Variants in RPP40 observed in about 807,000 individuals in gnomAD.
RPP40 encodes ribonuclease P/MRP subunit p40.
A neutral mutation model predicts 42.5 loss-of-function variants in RPP40; 30 were observed. The observed-to-expected ratio is 0.71, with a 90% CI of 0.53 to 0.96. The LOEUF (loss-of-function observed/expected upper bound fraction) is 0.96, where lower values mean the gene tolerates loss of function less well. Among genes scored for constraint, RPP40 ranks in the 40% least tolerant of loss-of-function variants. The pLI, the probability that RPP40 is intolerant of heterozygous loss-of-function variation, is 0.00. For synonymous variants in RPP40, 173 were observed against 164.0 expected, an observed-to-expected ratio of 1.05 and a Z score of -0.42; for missense variants, 426 against 433.5, an observed-to-expected ratio of 0.98 and a Z score of 0.15.
In RPP40 at chr6:4,995,937, TAA is replaced by T. The variant is rs1292081896; in HGVS notation, c.893+12_893+13del. The stretch of plus-strand genomic sequence containing the variant: ...GAGCACTGATGAGCGATATAAAAGG[TAA>T]AGAGTTCTCACCAGAGATGTTCCAA... On this transcript the variant is annotated intron_variant, in intron 7 of 7. Coordinates refer to ENST00000380051, the MANE Select transcript of RPP40 (RefSeq NM_006638.4). 1 of 1,612,808 alleles carries T rather than the reference TAA, an allele frequency of 6.2e-7. No individual in the cohort carries two copies.
At chr6:4,999,386 C>T (rs1759478877) in intron 4 of RPP40, among the ~76,000 whole-genome samples, 1 of 150,360 alleles carries the variant, frequency 6.7e-6, no homozygotes, top group African/African-American at 2.5e-5. Context: ...GCAAACTCCC[C>T]CTCCCGGGTT....
At chr6:5,002,322 T>A in intron 1 of RPP40, 77 bp from the exon 2 acceptor site, 3 of 1,270,722 alleles carry the variant, frequency 2.4e-6, no homozygotes, top group Admixed American at 2.4e-5. Context: ...TGAAACAAAA[T>A]CATGAAAGTT....
At chr6:4,998,633 C>T in intron 5 of RPP40, 83 bp downstream of exon 5, 1 of 906,902 alleles carries the variant, frequency 1.1e-6, no homozygotes, top group Non-Finnish European at 1.7e-6. Flanking sequence ...AAGAGTGAAT[C>T]ACCATTCAAT....
intron 2 of RPP40, among the ~76,000 whole-genome samples, chr6:5,001,368 C>T (rs1373782638): frequency 6.6e-6 from 1 of 152,284 alleles, no homozygotes; most frequent in African/African-American, 2.4e-5. Flanking sequence ...GGTGATGAGA[C>T]CAGACAAGAT....
chr6:5,000,568 G>C lies in RPP40; in HGVS notation c.332C>G (p.Pro111Arg), dbSNP rs202114691. 1.9e-5 allele frequency: 29 copies of C among 1,495,002 alleles called. No individual in the cohort carries two copies. The African/African-American group carries it at 3.5e-4, about 18-fold the overall frequency. 92.6% of individuals were successfully genotyped at this position (1,495,002 alleles called of 1,614,324 possible). The change falls in exon 3 of 8, where the codon CCA becomes CGA. Residue 111 changes from proline to arginine, a missense_variant. Physicochemically the swap from Pro to Arg is moderately radical, Grantham distance 103 (BLOSUM62 -2). Coordinates refer to ENST00000380051, the MANE Select transcript of RPP40 (RefSeq NM_006638.4). ...ATGAAAAAATAAAGTGTTACCATTT[G>C]GTAGCAGGGCAACAGTATTATCTTC... ...IDEDNTVALL[P>R]NGKLILSLDK...
At chr6:4,992,256 C>G (rs1759271095), downstream of RPP40, among the ~76,000 whole-genome samples, 1 of 151,844 alleles carries the variant, frequency 6.6e-6, no homozygotes, top group Non-Finnish European at 1.5e-5. Context: ...GTAATCCCAG[C>G]TACTCAAGAG....
At chr6:4,993,355 T>C (rs912320071), downstream of RPP40, among the ~76,000 whole-genome samples, 1 of 152,214 alleles carries the variant, frequency 6.6e-6, no homozygotes, top group East Asian at 1.9e-4. Flanking sequence ...CATTCCTAGA[T>C]TTGTTTGGCA....
intron 1 of RPP40, 28 bp downstream of exon 1, chr6:5,003,852 C>T: frequency 6.3e-7 from 1 of 1,594,502 alleles, no homozygotes; most frequent in Non-Finnish European, 8.6e-7. Flanking sequence ...TGAGCACGGC[C>T]CGAAAAGCCG....
Position 5,003,932 on chromosome 6 carries a change from T to G in RPP40, c.71A>C (p.Asn24Thr), listed in dbSNP as rs1398149823. Residue 24 changes from asparagine to threonine, a missense_variant, in exon 1 of 8, where the codon AAC becomes ACC. Coordinates refer to ENST00000380051, the MANE Select transcript of RPP40 (RefSeq NM_006638.4). ...LLVCEKSNFG[N>T]HKSRHRHLVQ... The stretch of plus-strand genomic sequence containing the variant: ...AAGATGCCGGTGGCGCGACTTGTGG[T>G]TGCCGAAGTTGGATTTCTCGCAAAC... 1.4e-5 allele frequency: 23 copies of G among 1,613,626 alleles called. No homozygotes were observed. Among genetic ancestry groups the G allele is most frequent in the Non-Finnish European group, 1.9e-5 (23 of 1,179,780 alleles).
At chr6:4,998,652 ACTC>A (rs1759452856) in intron 5 of RPP40, 61 bp downstream of exon 5, 3 of 1,112,300 alleles carry the variant, frequency 2.7e-6, no homozygotes, top group South Asian at 3.0e-5. Flanking sequence ...ATCCTCCATT[ACTC>A]CTCTTTAATT....
intron 5 of RPP40, among the ~76,000 whole-genome samples, chr6:4,996,982 C>T (rs1444817105): frequency 6.6e-6 from 1 of 152,166 alleles, no homozygotes; most frequent in Non-Finnish European, 1.5e-5. Context: ...TGTCACCCTC[C>T]CTCTCTCCGG....
At chr6:5,001,191 C>A in intron 2 of RPP40, 1 of 454,932 alleles carries the variant, frequency 2.2e-6, no homozygotes, top group Non-Finnish European at 4.4e-6. Context: ...AGCTACCCAA[C>A]CTCTCCAAGC....
chr6:4,992,105 A>G (rs998058701), downstream of RPP40, among the ~76,000 whole-genome samples: 3 of 152,136 alleles, frequency 2.0e-5, no homozygotes, highest in Non-Finnish European at 4.4e-5. Context: ...TGGGAGGCTG[A>G]GGTGGAGAGA....
At chr6:4,999,955 T>A (rs948422010) in intron 3 of RPP40, 51 bp from the exon 4 acceptor site, 1 of 1,125,450 alleles carries the variant, frequency 8.9e-7, no homozygotes, top group South Asian at 1.3e-5. Context: ...GAACTTACGT[T>A]GTCTGACTAA....
Position 4,998,203 on chromosome 6 carries a change from G to A in RPP40, c.559+513C>T, listed in dbSNP as rs183968177. Among the ~76,000 whole-genome samples the A allele has an allele frequency of 1.8e-3, 276 of 152,306 alleles. 1 individual carries two copies. The highest frequency in any genetic ancestry group is 0.014 in the Admixed American group (221 of 15,300). On this transcript the variant is annotated intron_variant, in intron 5 of 7. Coordinates refer to ENST00000380051, the MANE Select transcript of RPP40 (RefSeq NM_006638.4). ...TGGGTCAAAGATACACTTCTAAAAG[G>A]AGCAACATACATGGCCGTTTTAGGC...
chr6:5,000,306 A>G (rs1290064252), intron 3 of RPP40, among the ~76,000 whole-genome samples: 1 of 152,028 alleles, frequency 6.6e-6, no homozygotes, highest in African/African-American at 2.4e-5. Flanking sequence ...CTCCTGCCTC[A>G]GCCTCCCAAG....
chr6:4,991,043 T>C (rs926872414), downstream of RPP40, among the ~76,000 whole-genome samples: 8 of 152,162 alleles, frequency 5.3e-5, no homozygotes, highest in African/African-American at 1.9e-4. Flanking sequence ...CTTTTTTCCC[T>C]GATATATGTA....
chr6:4,999,804 CT>C lies in RPP40; in HGVS notation c.433+4del. On this transcript the variant is annotated splice_donor_region_variant and intron_variant, in intron 4 of 7. Transcript: ENST00000380051. Reference sequence around the variant, plus strand: ...AGAAACAGATGGAACACACATGATACTTACTAAATTTCATAATTTTTCTGCC... The same window carrying C: ...AGAAACAGATGGAACACACATGATACTACTAAATTTCATAATTTTTCTGCC... 1 of 1,493,190 alleles carries C rather than the reference CT, an allele frequency of 6.7e-7. No individual in the cohort carries two copies. The highest frequency in any genetic ancestry group is 9.3e-7 in the Non-Finnish European group (1 of 1,071,048). The allele number at this position is 1,493,190 out of a possible 1,614,324, so 92.5% of individuals were successfully genotyped here.
intron 2 of RPP40, 101 bp downstream of exon 2, chr6:5,002,000 C>T: frequency 9.7e-7 from 1 of 1,029,746 alleles, no homozygotes; most frequent in Non-Finnish European, 1.4e-6. Context: ...GACTATACCA[C>T]AGGCCCTGTT....
Sources: allele counts gnomAD v4.1 joint callset (sites outside exome capture counted in the v4.1 genomes callset), GRCh38; gene constraint gnomAD v4.1.1; transcripts MANE v1.5; gene names NCBI Gene and HGNC (gene_info 2026-07-23, HGNC 2026-07-21).